Variants in CGNL1 observed in about 807,000 individuals in gnomAD.
CGNL1 encodes the protein cingulin like 1.
Under a neutral mutation model 141.2 loss-of-function variants are expected in CGNL1, and 132 were observed. That is an observed-to-expected ratio of 0.93 (90% confidence interval 0.81 to 1.08). CGNL1 has a LOEUF of 1.08. Ranked by LOEUF, CGNL1 falls within the 50% of genes least tolerant of loss-of-function variation. CGNL1 has a pLI of 0.00. For synonymous variants in CGNL1, 690 were observed against 622.1 expected (o/e 1.11, Z -1.63); for missense variants, 1,870 against 1,588.6 (o/e 1.18, Z -3.01).
intron 1 of CGNL1, among the ~76,000 whole-genome samples, chr15:57,388,240 C>G (rs775469421): frequency 1.3e-5 from 2 of 152,076 alleles, no homozygotes; most frequent in Non-Finnish European, 1.5e-5. Context: ...GAGTAGGCCC[C>G]GAGAAGAGGA....
At chr15:57,528,344 T>G (rs1567171608) in intron 12 of CGNL1, among the ~76,000 whole-genome samples, 3 of 152,238 alleles carry the variant, frequency 2.0e-5, no homozygotes, top group South Asian at 4.1e-4. Context: ...ACAAAAGATT[T>G]GCAAATCAAT....
intron 1 of CGNL1, among the ~76,000 whole-genome samples, chr15:57,392,284 G>A (rs1375336411): frequency 1.3e-5 from 2 of 152,152 alleles, no homozygotes; most frequent in Non-Finnish European, 2.9e-5. Flanking sequence ...CATTATCTGA[G>A]ACATGATGTG....
intron 1 of CGNL1, among the ~76,000 whole-genome samples, chr15:57,413,347 G>A (rs1327683756): frequency 6.7e-6 from 1 of 150,158 alleles, no homozygotes. Context: ...GTCAATCATG[G>A]CTCACTGCAG....
At chr15:57,497,686 G>A (rs2063960275) in intron 8 of CGNL1, among the ~76,000 whole-genome samples, 1 of 152,228 alleles carries the variant, frequency 6.6e-6, no homozygotes, top group Non-Finnish European at 1.5e-5. Flanking sequence ...GTGTGGGTGG[G>A]CCAGGCAGAG....
intron 3 of CGNL1, among the ~76,000 whole-genome samples, chr15:57,442,092 C>T (rs12911306): frequency 0.061 from 9,110 of 148,706 alleles, 344 homozygotes; most frequent in South Asian, 0.13. Context: ...GGTGTCTTCT[C>T]CAAGCTTACT....
At chr15:57,400,887 T>TAAAAAA (rs35735890) in intron 1 of CGNL1, among the ~76,000 whole-genome samples, 58 of 77,742 alleles carry the variant, frequency 7.5e-4, no homozygotes, top group Middle Eastern at 0.012. Flanking sequence ...TGTCTCAAAT[T>TAAAAAA]AAAAAAAAAA....
chr15:57,429,382 G>A (rs763805303), intron 1 of CGNL1, among the ~76,000 whole-genome samples: 9 of 152,210 alleles, frequency 5.9e-5, no homozygotes, highest in Non-Finnish European at 1.0e-4. Flanking sequence ...CAACCAATTG[G>A]TAGTGACTGC....
intron 1 of CGNL1, among the ~76,000 whole-genome samples, chr15:57,437,557 A>C (rs1256172575): frequency 2.7e-5 from 4 of 147,806 alleles, no homozygotes; most frequent in African/African-American, 1.0e-4. Context: ...AAATGCTGGT[A>C]ACTGGAACAT....
intron 9 of CGNL1, among the ~76,000 whole-genome samples, chr15:57,517,592 G>C (rs2030914783): frequency 6.6e-6 from 1 of 152,218 alleles, no homozygotes; most frequent in African/African-American, 2.4e-5. Context: ...AGTTCTGGAG[G>C]CTGAGAAGTC....
intron 8 of CGNL1, among the ~76,000 whole-genome samples, chr15:57,467,556 C>G (rs1176643482): frequency 6.6e-6 from 1 of 151,850 alleles, no homozygotes; most frequent in Non-Finnish European, 1.5e-5. Context: ...CCAACTGAAA[C>G]AAACTGACTG....
chr15:57,383,294 T>TTTTTTTTTTTTTTTG (rs2062444300), intron 1 of CGNL1, among the ~76,000 whole-genome samples: 1 of 132,898 alleles, frequency 7.5e-6, no homozygotes, highest in African/African-American at 2.9e-5. Context: ...CTTTCTTCCT[T>TTTTTTTTTTTTTTTG]TTTTTTTTTT....
chr15:57,450,986 A>G (rs1179561005), intron 4 of CGNL1, among the ~76,000 whole-genome samples: 1 of 149,280 alleles, frequency 6.7e-6, no homozygotes, highest in Non-Finnish European at 1.5e-5. Flanking sequence ...CTTAAGAAAC[A>G]CTAAAGCTAA....
chr15:57,490,073 G>A (rs1001504218), intron 8 of CGNL1, among the ~76,000 whole-genome samples: 1 of 152,090 alleles, frequency 6.6e-6, no homozygotes, highest in African/African-American at 2.4e-5. Context: ...TTTCTCTACT[G>A]TAGACTGGAC....
intron 1 of CGNL1, among the ~76,000 whole-genome samples, chr15:57,423,972 C>T (rs1430283025): frequency 2.6e-5 from 4 of 152,190 alleles, no homozygotes; most frequent in Non-Finnish European, 5.9e-5. Flanking sequence ...ATGTGACTTC[C>T]TAGCTGAGCT....
chr15:57,440,559 T>G, intron 3 of CGNL1, 88 bp downstream of exon 3: 1 of 1,006,376 alleles, frequency 9.9e-7, no homozygotes, highest in Non-Finnish European at 1.5e-6. Flanking sequence ...ATGGTTACCT[T>G]CCTTTCTTGC....
At chr15:57,542,272 C>T (rs2032607694) in intron 14 of CGNL1, among the ~76,000 whole-genome samples, 2 of 152,200 alleles carry the variant, frequency 1.3e-5, no homozygotes, top group South Asian at 4.1e-4. Context: ...GTGTCTGGGG[C>T]TGTGTGTGTA....
In CGNL1 at chr15:57,389,910, G is replaced by C. The variant is rs180835543; in HGVS notation, c.-16+13343G>C. ...GCTCACTGCAACCTCCCACCTCCTG[G>C]GTCCAAGCGATTCTTCTATCTCAGC... On this transcript the variant is annotated intron_variant, in intron 1 of 18. Coordinates refer to ENST00000281282, the MANE Select transcript of CGNL1 (RefSeq NM_032866.5). Among the ~76,000 whole-genome samples the C allele has an allele frequency of 4.4e-3, 662 of 152,144 alleles. 24 individuals are homozygous for C. Among genetic ancestry groups the C allele is most frequent in the Non-Finnish European group, 1.2e-3 (79 of 68,010 alleles).
At chr15:57,511,936 A>T (rs1312225445) in intron 8 of CGNL1, among the ~76,000 whole-genome samples, 1 of 152,236 alleles carries the variant, frequency 6.6e-6, no homozygotes, top group African/African-American at 2.4e-5. Context: ...TTTATTTATG[A>T]TGGTGCTTCC....
At chr15:57,396,314 G>A (rs1482616309) in intron 1 of CGNL1, among the ~76,000 whole-genome samples, 2 of 131,938 alleles carry the variant, frequency 1.5e-5, no homozygotes, top group African/African-American at 2.9e-5. Flanking sequence ...CTCCTCTGTT[G>A]CCCAGGCTGG....
Sources: allele counts gnomAD v4.1 joint callset (sites outside exome capture counted in the v4.1 genomes callset), GRCh38; gene constraint gnomAD v4.1.1; transcripts MANE v1.5; gene names NCBI Gene and HGNC (gene_info 2026-07-23, HGNC 2026-07-21).